UROS: variants seen among roughly 807,000 people sequenced by gnomAD.
UROS encodes the protein uroporphyrinogen III synthase.
Under a neutral mutation model 33.0 loss-of-function variants are expected in UROS, and 18 were observed. The ratio of observed to expected loss-of-function variants is 0.55; its 90% CI spans 0.38 to 0.81. UROS has a LOEUF of 0.81. Among genes scored for constraint, UROS ranks in the 30% least tolerant of loss-of-function variants. The pLI is 0.00. For synonymous variants in UROS, 114 were observed against 121.1 expected (o/e 0.94, Z 0.38); for missense variants, 293 against 314.9 (o/e 0.93, Z 0.53).
intron 9 of UROS, among the ~76,000 whole-genome samples, chr10:125,790,761 C>A (rs1850866136): frequency 7.4e-6 from 1 of 135,654 alleles, no homozygotes; most frequent in Non-Finnish European, 1.5e-5. Flanking sequence ...CCAACCTGGG[C>A]AACGAGAGCA....
intron 4 of UROS, among the ~76,000 whole-genome samples, chr10:125,814,016 C>T (rs1259938290): frequency 6.6e-6 from 1 of 152,218 alleles, no homozygotes; most frequent in Non-Finnish European, 1.5e-5. Context: ...GTGCTTTACA[C>T]ATTGTGGGGG....
chr10:125,788,522 C>T (rs962306986), downstream of UROS: 63 of 1,182,160 alleles, frequency 5.3e-5, no homozygotes, highest in Non-Finnish European at 6.2e-5. Context: ...GTGGGCATAC[C>T]TGTCTCCTCC....
chr10:125,815,149 T>C lies in UROS; in HGVS notation c.148-19A>G. On this transcript the variant is annotated intron_variant, in intron 3 of 9. Transcript: ENST00000368797. Reference sequence around the variant, plus strand: ...GAGAAAGCTGCACACCAAAAAGCAATAAAGACATTTTATACGATGGCTATG... The same window carrying C: ...GAGAAAGCTGCACACCAAAAAGCAACAAAGACATTTTATACGATGGCTATG... 3.7e-6 allele frequency: 6 copies of C among 1,613,296 alleles called. No homozygotes were observed. The highest frequency in any genetic ancestry group is 5.1e-6 in the Non-Finnish European group (6 of 1,179,420).
At chr10:125,785,122 G>A (rs1222372439), downstream of UROS, 1 of 152,214 alleles carries the variant, frequency 6.6e-6, no homozygotes, top group Non-Finnish European at 1.5e-5. Context: ...CAAGATAGAA[G>A]TCGATATGTC....
At chr10:125,815,387 A>C (rs895456056) in intron 3 of UROS, among the ~76,000 whole-genome samples, 1 of 152,182 alleles carries the variant, frequency 6.6e-6, no homozygotes, top group Non-Finnish European at 1.5e-5. Context: ...GAGACAGTGA[A>C]ACACAGGGTG....
At chr10:125,820,054 T>C (rs575769881) in intron 1 of UROS, among the ~76,000 whole-genome samples, 2 of 152,332 alleles carry the variant, frequency 1.3e-5, no homozygotes, top group East Asian at 3.9e-4. Context: ...TTCTATGTCA[T>C]GGTGTTCTGG....
intron 6 of UROS, chr10:125,802,740 C>T: frequency 7.1e-7 from 1 of 1,408,082 alleles, no homozygotes; most frequent in Non-Finnish European, 9.2e-7. Context: ...TCTTTAGGTA[C>T]AGCCCAGGTA....
chr10:125,803,349 C>T (rs904656748), intron 6 of UROS, among the ~76,000 whole-genome samples: 2 of 152,214 alleles, frequency 1.3e-5, no homozygotes, highest in Non-Finnish European at 2.9e-5. Flanking sequence ...GTTATGCCCC[C>T]AGAGCCTCCA....
At chr10:125,796,820 G>C (rs1851411061) in intron 7 of UROS, 1 of 985,284 alleles carries the variant, frequency 1.0e-6, no homozygotes, top group African/African-American at 1.7e-5. Flanking sequence ...ACTTATGAGG[G>C]GCAGCCAGAT....
intron 6 of UROS, chr10:125,802,592 G>A: frequency 9.7e-7 from 1 of 1,033,348 alleles, no homozygotes; most frequent in Non-Finnish European, 1.2e-6. Context: ...GAGAAGCACA[G>A]GGCCAACCGT....
intron 7 of UROS, 113 bp downstream of exon 7, chr10:125,797,952 C>CCTGG (rs1410798261): frequency 3.9e-6 from 5 of 1,296,786 alleles, no homozygotes; most frequent in Non-Finnish European, 5.6e-6. Context: ...GCTTATCCAA[C>CCTGG]CCAGCCCTGC....
chr10:125,788,348 A>G (rs1850693101), downstream of UROS, among the ~76,000 whole-genome samples: 1 of 152,208 alleles, frequency 6.6e-6, no homozygotes, highest in Admixed American at 6.5e-5. Flanking sequence ...TGACTGTCTA[A>G]TGCTGCAGCT....
intron 3 of UROS, 111 bp downstream of exon 3, chr10:125,816,062 CATGT>C: frequency 1.8e-6 from 2 of 1,091,214 alleles, no homozygotes; most frequent in Middle Eastern, 2.0e-4. Flanking sequence ...GTTATGCTGC[CATGT>C]TTTAAAGTTT....
intron 3 of UROS, 22 bp downstream of exon 3, chr10:125,816,155 G>C: frequency 6.2e-7 from 1 of 1,602,916 alleles, no homozygotes; most frequent in Admixed American, 1.7e-5. Context: ...CTAACATGGT[G>C]CTCAGTCACA....
downstream of UROS, among the ~76,000 whole-genome samples, chr10:125,786,849 C>G (rs1431220614): frequency 6.6e-6 from 1 of 152,226 alleles, no homozygotes; most frequent in East Asian, 1.9e-4. Flanking sequence ...CCACCAATAC[C>G]TTCAGAACCA....
intron 1 of UROS, among the ~76,000 whole-genome samples, chr10:125,821,181 G>A (rs1032191710): frequency 9.9e-5 from 15 of 152,184 alleles, no homozygotes; most frequent in Admixed American, 8.5e-4. Flanking sequence ...ACAGATATTT[G>A]ATACTCATGT....
intron 4 of UROS, among the ~76,000 whole-genome samples, chr10:125,813,560 C>T (rs1195409746): frequency 6.6e-6 from 1 of 152,320 alleles, no homozygotes. Flanking sequence ...CTCATACAAC[C>T]TCTGCCTCCT....
At chr10:125,807,342 T>C in intron 6 of UROS, 71 bp downstream of exon 6, 2 of 1,329,756 alleles carry the variant, frequency 1.5e-6, no homozygotes, top group African/African-American at 1.4e-5. Context: ...AAATATTCTT[T>C]TCCCTAGGTA....
intron 6 of UROS, chr10:125,802,127 G>C: frequency 1.0e-6 from 1 of 985,450 alleles, no homozygotes; most frequent in Non-Finnish European, 1.2e-6. Context: ...ATGCGGTGAT[G>C]ATGACTCTCT....
Sources: allele counts gnomAD v4.1 joint callset (sites outside exome capture counted in the v4.1 genomes callset), GRCh38; gene constraint gnomAD v4.1.1; transcripts MANE v1.5; gene names NCBI Gene and HGNC (gene_info 2026-07-23, HGNC 2026-07-21).